The following HSD17B2 variants were observed in gnomAD, a reference collection of about 807,000 sequenced individuals.
HSD17B2 encodes the protein hydroxysteroid 17-beta dehydrogenase 2, also known as 17-beta-hydroxysteroid dehydrogenase type 2.
HSD17B2 carries 32 observed loss-of-function variants against 26.9 expected under a neutral mutation model. The ratio of observed to expected loss-of-function variants is 1.19; its 90% confidence interval spans 0.90 to 1.60. The LOEUF is 1.60. HSD17B2 is among the 40% of genes most tolerant of loss of function. The pLI, the probability that HSD17B2 is intolerant of heterozygous loss-of-function variation, is 0.00. For synonymous variants in HSD17B2, 246 were observed against 186.7 expected, an observed-to-expected ratio of 1.32 and a Z score of -2.59; for missense variants, 613 against 468.6, an observed-to-expected ratio of 1.31 and a Z score of -2.85.
At chr16:82,087,386 A>C (rs1195421159) in intron 3 of HSD17B2, among the ~76,000 whole-genome samples, 1 of 152,218 alleles carries the variant, frequency 6.6e-6, no homozygotes, top group African/African-American at 2.4e-5. Flanking sequence ...AAGCCTTAAG[A>C]CACAGCGGCT....
chr16:82,067,111 T>C (rs1914590129), intron 1 of HSD17B2, among the ~76,000 whole-genome samples: 1 of 152,192 alleles, frequency 6.6e-6, no homozygotes, highest in Admixed American at 6.5e-5. Flanking sequence ...TGTTGTTAGC[T>C]TGGAAGCGAG....
intron 4 of HSD17B2, chr16:82,094,318 C>T (rs1257702026): frequency 2.0e-5 from 3 of 152,188 alleles, no homozygotes; most frequent in Admixed American, 6.5e-5. Context: ...CTGAATCATA[C>T]CAACCTGTTT....
At chr16:82,074,232 T>A (rs1424819188) in intron 3 of HSD17B2, among the ~76,000 whole-genome samples, 2 of 152,190 alleles carry the variant, frequency 1.3e-5, no homozygotes, top group African/African-American at 4.8e-5. Context: ...TGGATTTGTT[T>A]TTCCCCATGC....
At chr16:82,089,841 C>T (rs1904632392) in intron 3 of HSD17B2, among the ~76,000 whole-genome samples, 1 of 152,144 alleles carries the variant, frequency 6.6e-6, no homozygotes, top group African/African-American at 2.4e-5. Context: ...AGGGCCCATC[C>T]TAATCCAGGA....
chr16:82,043,486 T>C (rs1913824448), intron 1 of HSD17B2, among the ~76,000 whole-genome samples: 3 of 143,844 alleles, frequency 2.1e-5, no homozygotes, highest in South Asian at 2.1e-4. Context: ...AGATGGAGAC[T>C]ATCCTGGCTA....
intron 3 of HSD17B2, among the ~76,000 whole-genome samples, chr16:82,075,108 C>A (rs1415786555): frequency 6.6e-6 from 1 of 151,712 alleles, no homozygotes; most frequent in Non-Finnish European, 1.5e-5. Context: ...ACCAGTAGGT[C>A]AATGAAAAAA....
Position 82,091,242 on chromosome 16 carries a change from G to A in HSD17B2, c.802+203G>A, listed in dbSNP as rs565798024. 1.1e-4 allele frequency: 72 copies of A among 635,704 alleles called. No homozygotes were observed. The East Asian group carries it at 1.3e-3, about 12-fold the overall frequency. 39.4% of individuals were successfully genotyped at this position (635,704 alleles called of 1,614,324 possible). On this transcript the variant is annotated intron_variant, in intron 4 of 4. Coordinates refer to ENST00000199936, the MANE Select transcript of HSD17B2 (RefSeq NM_002153.3). ...AGCTAAGCTCCATTCTGATTTGTGC[G>A]AAGGTGTTTTAAACATTTTAAAAGG...
intron 1 of HSD17B2, among the ~76,000 whole-genome samples, chr16:82,055,130 A>T (rs1385538655): frequency 6.6e-6 from 1 of 152,206 alleles, no homozygotes; most frequent in African/African-American, 2.4e-5. Flanking sequence ...TCACTGACTT[A>T]AAGGCCACAT....
intron 1 of HSD17B2, among the ~76,000 whole-genome samples, chr16:82,047,300 T>C (rs1913962377): frequency 6.6e-6 from 1 of 152,200 alleles, no homozygotes. Context: ...GGTATGTTGT[T>C]AAAGAATGAA....
chr16:82,063,492 G>A (rs1436607336), intron 1 of HSD17B2, among the ~76,000 whole-genome samples: 1 of 152,020 alleles, frequency 6.6e-6, no homozygotes, highest in Admixed American at 6.6e-5. Context: ...TGCCTCATGG[G>A]TAAACACAAG....
chr16:82,055,978 C>T (rs1490113707), intron 1 of HSD17B2, among the ~76,000 whole-genome samples: 1 of 152,152 alleles, frequency 6.6e-6, no homozygotes, highest in Non-Finnish European at 1.5e-5. Flanking sequence ...TTTGTCATCT[C>T]TGTTGTAAAG....
At chr16:82,045,467 A>G (rs1275592271) in intron 1 of HSD17B2, among the ~76,000 whole-genome samples, 1 of 152,236 alleles carries the variant, frequency 6.6e-6, no homozygotes, top group African/African-American at 2.4e-5. Context: ...GATTGTGAAT[A>G]TATATTGCTG....
intron 1 of HSD17B2, among the ~76,000 whole-genome samples, chr16:82,037,391 CTT>C (rs1490996500): frequency 6.6e-6 from 1 of 152,184 alleles, no homozygotes; most frequent in Non-Finnish European, 1.5e-5. Context: ...GACCACAACT[CTT>C]TAAAGAATGA....
intron 1 of HSD17B2, among the ~76,000 whole-genome samples, chr16:82,062,317 T>G (rs1417860676): frequency 6.6e-6 from 1 of 152,162 alleles, no homozygotes; most frequent in African/African-American, 2.4e-5. Flanking sequence ...CCAAATGACA[T>G]AGTTTAACAC....
At chr16:82,041,846 G>C (rs542124951) in intron 1 of HSD17B2, among the ~76,000 whole-genome samples, 5 of 152,128 alleles carry the variant, frequency 3.3e-5, no homozygotes, top group African/African-American at 1.2e-4. Context: ...TCCTCTGAGA[G>C]AGGACTGGCA....
chr16:82,044,414 G>A (rs1913855800), intron 1 of HSD17B2: 1 of 152,238 alleles, frequency 6.6e-6, no homozygotes, highest in African/African-American at 2.4e-5. Context: ...GCTCAGCCAA[G>A]GCAAGGTCGA....
At chr16:82,051,736 T>G (rs988657590) in intron 1 of HSD17B2, among the ~76,000 whole-genome samples, 1 of 151,730 alleles carries the variant, frequency 6.6e-6, no homozygotes, top group Non-Finnish European at 1.5e-5. Context: ...TAAAGTAAAA[T>G]AAAAAAAGAA....
chr16:82,052,962 A>C (rs1914153024), intron 1 of HSD17B2, among the ~76,000 whole-genome samples: 1 of 152,254 alleles, frequency 6.6e-6, no homozygotes, highest in South Asian at 2.1e-4. Context: ...AGAGCATGCC[A>C]GCTTAGGTCT....
Position 82,083,396 on chromosome 16 carries a change from C to G in HSD17B2, c.665-7506C>G, listed in dbSNP as rs142043060. ...GCAAGCAGAATGAAGACAGACTGCC[C>G]GGGTTTTAATCCGGTCTCTACCAAT... is the stretch of plus-strand genomic sequence containing the variant. On this transcript the variant is annotated intron_variant, in intron 3 of 4. Coordinates refer to ENST00000199936, the MANE Select transcript of HSD17B2 (RefSeq NM_002153.3). Among the ~76,000 whole-genome samples, 8 of 152,118 alleles carry G rather than the reference C, an allele frequency of 5.3e-5. No homozygotes were observed. The East Asian group carries it at 1.5e-3, about 29-fold the overall frequency.
Sources: allele counts gnomAD v4.1 joint callset (sites outside exome capture counted in the v4.1 genomes callset), GRCh38; gene constraint gnomAD v4.1.1; transcripts MANE v1.5; gene names NCBI Gene and HGNC (gene_info 2026-07-23, HGNC 2026-07-21).